SMURF1: variants seen among roughly 807,000 people sequenced by gnomAD.
SMURF1 encodes the protein E3 ubiquitin-protein ligase SMURF1.
A neutral mutation model predicts 98.0 loss-of-function variants in SMURF1; 44 were observed. The observed-to-expected ratio is 0.45, with a 90% CI of 0.35 to 0.58. SMURF1 has a LOEUF of 0.58. Among genes scored for constraint, SMURF1 ranks in the 20% least tolerant of loss-of-function variants. The pLI is 0.00. For synonymous variants in SMURF1, 396 were observed against 374.9 expected (o/e 1.06, Z -0.65); for missense variants, 687 against 938.4 (o/e 0.73, Z 3.50).
chr7:99,049,343 G>A, intron 9 of SMURF1: 2 of 525,096 alleles, frequency 3.8e-6, no homozygotes, highest in South Asian at 4.6e-5. Flanking sequence ...TATGTAGGCT[G>A]CAAGTAAGAA....
intron 6 of SMURF1, among the ~76,000 whole-genome samples, chr7:99,053,131 A>T (rs1014818516): frequency 6.6e-6 from 1 of 152,222 alleles, no homozygotes; most frequent in South Asian, 2.1e-4. Flanking sequence ...TCCTGGTTAC[A>T]TAAAATGCCA....
At chr7:99,089,830 A>G (rs774519184) in intron 1 of SMURF1, among the ~76,000 whole-genome samples, 10 of 152,300 alleles carry the variant, frequency 6.6e-5, no homozygotes, top group Non-Finnish European at 8.8e-5. Flanking sequence ...CTTATCTTGG[A>G]TTAACTTTTC....
At chr7:99,141,546 A>T (rs1399766196) in intron 1 of SMURF1, among the ~76,000 whole-genome samples, 3 of 152,244 alleles carry the variant, frequency 2.0e-5, no homozygotes, top group African/African-American at 7.2e-5. Flanking sequence ...AGCGTTTCCT[A>T]TCAGCCCTGG....
chr7:99,073,697 C>A (rs1009530672), intron 1 of SMURF1, among the ~76,000 whole-genome samples: 6 of 151,470 alleles, frequency 4.0e-5, no homozygotes, highest in African/African-American at 1.5e-4. Context: ...ACCCAGGGGG[C>A]TGAGGTTGCA....
chr7:99,034,704 C>T (rs745447655), intron 16 of SMURF1, among the ~76,000 whole-genome samples: 14 of 152,274 alleles, frequency 9.2e-5, no homozygotes, highest in South Asian at 2.1e-4. Flanking sequence ...CAGATACGAG[C>T]GGGGCTCAGC....
In SMURF1 at chr7:99,096,825, A is replaced by G. The variant is rs138264844; in HGVS notation, c.56-34988T>C. On this transcript the variant is annotated intron_variant, in intron 1 of 17. Coordinates refer to ENST00000361368, the MANE Select transcript of SMURF1 (RefSeq NM_181349.3). ...ACGGGATCAAACTGACATTTATAGA[A>G]TACTCCATTCAACCACAACAGTGTA... is the stretch of plus-strand genomic sequence containing the variant. Among the ~76,000 whole-genome samples the G allele has an allele frequency of 9.9e-3, 1,512 of 152,342 alleles. 9 individuals are homozygous for G. Among genetic ancestry groups the G allele is most frequent in the Non-Finnish European group, 0.016 (1,114 of 68,030 alleles).
At chr7:99,034,184 C>A (rs1198544144) in intron 16 of SMURF1, among the ~76,000 whole-genome samples, 1 of 152,182 alleles carries the variant, frequency 6.6e-6, no homozygotes, top group African/African-American at 2.4e-5. Context: ...AGGTGAGGGC[C>A]TTCAGAGACC....
chr7:99,072,675 G>A (rs1294136019), intron 1 of SMURF1, among the ~76,000 whole-genome samples: 1 of 152,086 alleles, frequency 6.6e-6, no homozygotes, highest in Non-Finnish European at 1.5e-5. Context: ...CCGAAGGTGA[G>A]GATGAAGTTT....
intron 12 of SMURF1, among the ~76,000 whole-genome samples, chr7:99,041,546 C>T (rs532727952): frequency 6.6e-6 from 1 of 152,354 alleles, no homozygotes; most frequent in East Asian, 1.9e-4. Flanking sequence ...GGTTCTTCCA[C>T]ATTTGAATGC....
intron 3 of SMURF1, among the ~76,000 whole-genome samples, chr7:99,060,097 G>A (rs992276753): frequency 6.6e-6 from 1 of 152,022 alleles, no homozygotes; most frequent in African/African-American, 2.4e-5. Flanking sequence ...GCCAAATGCA[G>A]TCGGGCGCAG....
At chr7:99,068,653 C>A (rs2150553203) in intron 1 of SMURF1, among the ~76,000 whole-genome samples, 1 of 152,220 alleles carries the variant, frequency 6.6e-6, no homozygotes, top group Non-Finnish European at 1.5e-5. Flanking sequence ...ACATCAACAA[C>A]AACAAACAAC....
At chr7:99,116,660 A>C (rs1052954166) in intron 1 of SMURF1, among the ~76,000 whole-genome samples, 1 of 152,216 alleles carries the variant, frequency 6.6e-6, no homozygotes, top group Non-Finnish European at 1.5e-5. Context: ...TTAACCAAAA[A>C]AATACAAGAC....
At chr7:99,082,289 C>T (rs1796591050) in intron 1 of SMURF1, among the ~76,000 whole-genome samples, 1 of 152,124 alleles carries the variant, frequency 6.6e-6, no homozygotes. Context: ...TGATGAAATC[C>T]AATTAATCTG....
At chr7:99,063,285 A>ATATATAAGATT (rs1796107030) in intron 1 of SMURF1, among the ~76,000 whole-genome samples, 1 of 23,104 alleles carries the variant, frequency 4.3e-5, no homozygotes, top group Non-Finnish European at 1.1e-4. Context: ...ATATATATAT[A>ATATATAAGATT]TATATATATA....
chr7:99,049,413 A>G, intron 9 of SMURF1, 150 bp downstream of exon 9: 2 of 805,828 alleles, frequency 2.5e-6, no homozygotes, highest in Non-Finnish European at 3.9e-6. Context: ...AGTTTAAAAT[A>G]TGCAATTATC....
chr7:99,033,573 T>A (rs558369805), intron 16 of SMURF1, among the ~76,000 whole-genome samples: 4 of 152,008 alleles, frequency 2.6e-5, no homozygotes, highest in African/African-American at 9.7e-5. Flanking sequence ...CCTCCCAGAG[T>A]GCTGGGATTA....
chr7:99,040,820 G>A (rs1224138146), intron 12 of SMURF1, among the ~76,000 whole-genome samples: 3 of 152,208 alleles, frequency 2.0e-5, no homozygotes, highest in African/African-American at 4.8e-5. Context: ...GAGGAGCCCC[G>A]TGTTCAGCAA....
intron 16 of SMURF1, among the ~76,000 whole-genome samples, chr7:99,034,117 C>T (rs1025975542): frequency 1.3e-5 from 2 of 152,186 alleles, no homozygotes; most frequent in Non-Finnish European, 2.9e-5. Flanking sequence ...GCTCCTCCCC[C>T]TCACAGGCCA....
At chr7:99,064,118 CAACTT>C (rs1236339742) in intron 1 of SMURF1, among the ~76,000 whole-genome samples, 1 of 152,166 alleles carries the variant, frequency 6.6e-6, no homozygotes, top group African/African-American at 2.4e-5. Context: ...GAGATAAACT[CAACTT>C]GGTCACGGTA....
Sources: allele counts gnomAD v4.1 joint callset (sites outside exome capture counted in the v4.1 genomes callset), GRCh38; gene constraint gnomAD v4.1.1; transcripts MANE v1.5; gene names NCBI Gene and HGNC (gene_info 2026-07-23, HGNC 2026-07-21).